Variants in WARS1 observed in about 807,000 individuals in gnomAD.
WARS1 encodes tryptophanyl-tRNA synthetase 1.
In WARS1, 17 loss-of-function variants were observed where a neutral mutation model predicts 47.8. The ratio of observed to expected loss-of-function variants is 0.36; its 90% CI spans 0.24 to 0.53. The LOEUF is 0.53. WARS1 is among the 20% of genes least tolerant of loss of function. The probability of loss-of-function intolerance (pLI) is 0.91; values close to 1 mark genes in which losing one functional copy is unlikely to be tolerated. For synonymous variants in WARS1, 208 were observed against 228.1 expected, an observed-to-expected ratio of 0.91 and a Z score of 0.79; for missense variants, 434 against 608.0, an observed-to-expected ratio of 0.71 and a Z score of 3.01.
At chr14:100,341,205 C>T (rs111856775) in intron 9 of WARS1, among the ~76,000 whole-genome samples, 1,922 of 152,148 alleles carry the variant, frequency 0.013, 45 homozygotes, top group African/African-American at 0.044. Context: ...TGTGAGCTAT[C>T]GCACCTGGCC....
upstream of WARS1, chr14:100,375,847 G>A (rs1208618486): frequency 6.6e-6 from 1 of 152,324 alleles, no homozygotes; most frequent in East Asian, 1.9e-4. Flanking sequence ...CCTTGGGCAA[G>A]GGTCGCATTA....
chr14:100,368,993 A>G, intron 2 of WARS1, 94 bp downstream of exon 2: 2 of 853,180 alleles, frequency 2.3e-6, no homozygotes, highest in Non-Finnish European at 3.3e-6. Flanking sequence ...AAAACACCTC[A>G]GTCATTGAGG....
At position 100,333,941 on chromosome 14, in the gene WARS1, G is replaced by C. The variant is rs1051002; in HGVS notation, c.*934C>G. 1 of 152,706 alleles carries C rather than the reference G, an allele frequency of 6.5e-6. No homozygotes were observed. The highest frequency in any genetic ancestry group is 1.5e-5 in the Non-Finnish European group (1 of 68,094). The allele number at this position is 152,706 out of a possible 1,614,324, so 9.5% of individuals were successfully genotyped here. ...TGCGTGATGAAATGAGGCCTGCCTAGACATCTGTGAGGGCCTCGAGGGCTG... is the reference window on the plus strand; with the variant it reads ...TGCGTGATGAAATGAGGCCTGCCTACACATCTGTGAGGGCCTCGAGGGCTG... On this transcript the variant is annotated 3_prime_UTR_variant, in exon 11 of 11. Coordinates refer to ENST00000392882, the MANE Select transcript of WARS1 (RefSeq NM_004184.4).
intron 7 of WARS1, among the ~76,000 whole-genome samples, chr14:100,344,743 TG>T (rs1449428222): frequency 6.7e-6 from 1 of 148,630 alleles, no homozygotes; most frequent in Admixed American, 6.7e-5. Flanking sequence ...CCGCCCCGTC[TG>T]GGATGTGAGG....
In WARS1 at chr14:100,361,824, T is replaced by C; in HGVS notation, c.197A>G (p.Asn66Ser). Residue 66 changes from asparagine (N) to serine (S), a missense_variant, in exon 3 of 11, where the codon AAC becomes AGC. Asn to Ser is a conservative substitution (Grantham distance 46, BLOSUM62 1). Around this residue, in one of 2 missense-constraint regions of WARS1, gnomAD observed 87 missense variants for 84.2 expected, o/e 1.03. Coordinates refer to ENST00000392882, the MANE Select transcript of WARS1 (RefSeq NM_004184.4). ...EDYKADCPPGNPAPTSNHGPD... is the reference protein window; with the variant it reads ...EDYKADCPPGSPAPTSNHGPD... ...GCCATGATTACTGGTAGGTGCTGGG[T>C]TCCCTGGAGGACAGTCAGCCTTGTA... 6.2e-7 allele frequency: 1 copy of C among 1,614,200 alleles called. No homozygotes were observed. Among genetic ancestry groups the C allele is most frequent in the African/African-American group, 1.3e-5 (1 of 75,036 alleles).
chr14:100,351,120 A>T (rs74085086), intron 6 of WARS1, among the ~76,000 whole-genome samples: 9,235 of 152,092 alleles, frequency 0.061, 432 homozygotes, highest in African/African-American at 0.12. Flanking sequence ...TCATCTAAGG[A>T]GGAGAGCTGG....
intron 2 of WARS1, chr14:100,365,627 G>A (rs1895935221): frequency 5.6e-6 from 1 of 179,098 alleles, no homozygotes; most frequent in Non-Finnish European, 1.2e-5. Flanking sequence ...AGAAGCCGGA[G>A]TGGAGTCACC....
At chr14:100,347,065 C>G (rs1894667655) in intron 6 of WARS1, among the ~76,000 whole-genome samples, 1 of 152,208 alleles carries the variant, frequency 6.6e-6, no homozygotes, top group Non-Finnish European at 1.5e-5. Context: ...GTGGAGTTGA[C>G]TGGGAAAGGC....
chr14:100,365,286 TGTCGGAA>T (rs1269079108), intron 2 of WARS1, among the ~76,000 whole-genome samples: 2 of 68,258 alleles, frequency 2.9e-5, no homozygotes, highest in South Asian at 1.8e-3. Context: ...GAGTTAAAAG[TGTCGGAA>T]GTCGGGCCGG....
At chr14:100,340,414 C>T (rs1894083557) in intron 9 of WARS1, 1 of 152,226 alleles carries the variant, frequency 6.6e-6, no homozygotes, top group African/African-American at 2.4e-5. Context: ...ATAACACAGG[C>T]TTACTGTGTG....
chr14:100,357,448 C>A (rs886271600), intron 4 of WARS1, among the ~76,000 whole-genome samples: 1 of 151,902 alleles, frequency 6.6e-6, no homozygotes, highest in Non-Finnish European at 1.5e-5. Flanking sequence ...AAGATTAATA[C>A]ACAAACATCA....
chr14:100,364,801 C>A (rs903235135), intron 2 of WARS1, among the ~76,000 whole-genome samples: 7 of 152,184 alleles, frequency 4.6e-5, no homozygotes, highest in African/African-American at 1.7e-4. Context: ...ATACCACTGT[C>A]AACTTCCCAA....
Position 100,334,698 on chromosome 14 carries a change from A to G in WARS1, c.*177T>C. 2 of 652,964 alleles carry G rather than the reference A, an allele frequency of 3.1e-6. No homozygotes were observed. Among genetic ancestry groups the G allele is most frequent in the Non-Finnish European group, 5.0e-6 (2 of 400,266 alleles). 40.4% of individuals were successfully genotyped at this position (652,964 alleles called of 1,614,324 possible). On this transcript the variant is annotated 3_prime_UTR_variant, in exon 11 of 11. Coordinates refer to ENST00000392882, the MANE Select transcript of WARS1 (RefSeq NM_004184.4). ...CCACAATGCTTTGCCCATAAGAGAT[A>G]GAAATAATGGAACTCACAGGAAGAA...
rs563059649 is a variant in WARS1, at chr14:100,373,059, C to T, written c.-74+2224G>A. Among the ~76,000 whole-genome samples, 11 of 152,318 alleles carry T rather than the reference C, an allele frequency of 7.2e-5. No individual in the cohort carries two copies. In the South Asian group the frequency reaches 2.3e-3, roughly 32 times the overall value. On this transcript the variant is annotated intron_variant, in intron 1 of 10. Coordinates refer to ENST00000392882, the MANE Select transcript of WARS1 (RefSeq NM_004184.4). This position sits in a 1 kb window ranked among gnomAD's most constrained non-coding sequence, Gnocchi z 4.4. The stretch of plus-strand genomic sequence containing the variant: ...TAGTAACTTTATGAAAGCACTCACA[C>T]TGCAGTTTAGTTATTCATGTCTTCC...
At chr14:100,368,353 T>C (rs886965198) in intron 2 of WARS1, 3 of 446,898 alleles carry the variant, frequency 6.7e-6, no homozygotes, top group Non-Finnish European at 1.4e-5. Context: ...GTCATAATAA[T>C]GTCAGTGTAC....
At chr14:100,369,457 G>A (rs562322618) in intron 1 of WARS1, among the ~76,000 whole-genome samples, 199 bp from the exon 2 acceptor site, 1 of 152,098 alleles carries the variant, frequency 6.6e-6, no homozygotes, top group Admixed American at 6.5e-5. Context: ...AAATGCCAGT[G>A]ATGAAGACTA....
chr14:100,349,565 C>T (rs1894839828), intron 6 of WARS1, among the ~76,000 whole-genome samples: 1 of 152,226 alleles, frequency 6.6e-6, no homozygotes, highest in South Asian at 2.1e-4. Context: ...CTCTGCTATG[C>T]TGCCCCCCAC....
chr14:100,367,869 A>G (rs1198784681), intron 2 of WARS1, among the ~76,000 whole-genome samples: 1 of 152,202 alleles, frequency 6.6e-6, no homozygotes, highest in Non-Finnish European at 1.5e-5. Flanking sequence ...ATACGCTTTC[A>G]GATGGGCAAG....
chr14:100,367,049 A>T (rs1184406524), intron 2 of WARS1: 2 of 412,848 alleles, frequency 4.8e-6, no homozygotes, highest in African/African-American at 2.4e-5. Context: ...AAATAAGATT[A>T]AAAAAAAAAA....
Sources: gnomAD v4.1 joint callset for allele counts (sites outside exome capture counted in the v4.1 genomes callset) on GRCh38, gnomAD v4.1.1 for gene constraint, gnomAD v4.1.1 regional missense constraint, Gnocchi (gnomAD v3.1) non-coding constraint, MANE v1.5 for transcripts, NCBI Gene and HGNC (gene_info 2026-07-23, HGNC 2026-07-21) for gene names.